Variants in TUBGCP6 observed in about 807,000 individuals in gnomAD.
TUBGCP6 encodes the protein gamma-tubulin complex component 6.
Under a neutral mutation model 175.8 loss-of-function variants are expected in TUBGCP6, and 161 were observed. The observed-to-expected ratio is 0.92, with a 90% CI of 0.81 to 1.04. The LOEUF (loss-of-function observed/expected upper bound fraction) is 1.04. Among genes scored for constraint, TUBGCP6 ranks in the 50% least tolerant of loss-of-function variants. The pLI, the probability that TUBGCP6 is intolerant of heterozygous loss-of-function variation, is 0.00. For missense variants in TUBGCP6, 2,572 were observed against 2,433.0 expected (o/e 1.06, Z -1.20); for synonymous variants, 1,173 against 1,030.5 (o/e 1.14, Z -2.65).
rs1446121685 is a variant in TUBGCP6 at position 50,233,427 on chromosome 22, A to G, written c.1005T>C (p.Ala335=). The change falls in exon 3 of 25, where the codon GCT becomes GCC. Residue 335 remains alanine (A), a synonymous_variant. Transcript: ENST00000248846. ...GCTGCGGGGCCTGTAGGACGCCCCCAGCAAGCAGCTGGAGCTCCCCTTGGT... is the reference window on the plus strand; with the variant it reads ...GCTGCGGGGCCTGTAGGACGCCCCCGGCAAGCAGCTGGAGCTCCCCTTGGT... ...RLHQGELQLL[A]GGVLQAPQPV... is the part of the protein sequence containing the mutation. 4.2e-5 allele frequency: 67 copies of G among 1,613,818 alleles called. No homozygotes were observed. Among genetic ancestry groups the G allele is most frequent in the Non-Finnish European group, 5.6e-5 (66 of 1,179,900 alleles).
At chr22:50,234,139 C>A (rs1236106023) in intron 2 of TUBGCP6, among the ~76,000 whole-genome samples, 2 of 150,020 alleles carry the variant, frequency 1.3e-5, no homozygotes, top group Non-Finnish European at 3.0e-5. Flanking sequence ...ATCATCCACA[C>A]CCCTATCCAC....
chr22:50,222,660 A>G, intron 13 of TUBGCP6, 68 bp from the exon 14 acceptor site: 1 of 1,582,872 alleles, frequency 6.3e-7, no homozygotes, highest in Non-Finnish European at 8.6e-7. Context: ...GGCACCCCTC[A>G]GGCCAGGATG....
Position 50,229,387 on chromosome 22 carries a change from T to C in TUBGCP6, c.1290+17A>G, listed in dbSNP as rs1467139972. ...TTCTCACAAAGGTGTGTGACAACCA[T>C]GAGGCAAAGGCCATACCTGGAACAC... is the stretch of plus-strand genomic sequence containing the variant. On this transcript the variant is annotated intron_variant, in intron 4 of 24. Transcript: ENST00000248846. 6.2e-7 allele frequency: 1 copy of C among 1,610,040 alleles called. No homozygotes were observed. The highest frequency in any genetic ancestry group is 8.5e-7 in the Non-Finnish European group (1 of 1,177,136).
rs2064572156 is a variant in TUBGCP6 at position 50,224,269 on chromosome 22, T to C, written c.2155-13A>G. 4 of 1,614,108 alleles carry C rather than the reference T, an allele frequency of 2.5e-6. No homozygotes were observed. Among genetic ancestry groups the C allele is most frequent in the Non-Finnish European group, 3.4e-6 (4 of 1,179,992 alleles). The stretch of plus-strand genomic sequence containing the variant: ...CCGCCTGGCGTCGCTATAAAACACA[T>C]AGAGCCTGGCCTGTGAAATCAGAAC... On this transcript the variant is annotated splice_polypyrimidine_tract_variant and intron_variant, in intron 12 of 24. Coordinates refer to ENST00000248846, the MANE Select transcript of TUBGCP6 (RefSeq NM_020461.4).
At chr22:50,235,958 A>G (rs912373566) in intron 2 of TUBGCP6, among the ~76,000 whole-genome samples, 1 of 151,244 alleles carries the variant, frequency 6.6e-6, no homozygotes, top group Admixed American at 6.6e-5. Context: ...AAAAAAAAAA[A>G]GTGGAGTGAA....
chr22:50,236,136 T>A (rs545230490), intron 2 of TUBGCP6, among the ~76,000 whole-genome samples: 139 of 151,344 alleles, frequency 9.2e-4, no homozygotes, highest in Middle Eastern at 3.4e-3. Flanking sequence ...GAAAAAAAAA[T>A]TCACAATTTT....
chr22:50,222,613 G>C (rs1349144684), intron 13 of TUBGCP6, 21 bp from the exon 14 acceptor site: 11 of 1,606,670 alleles, frequency 6.8e-6, no homozygotes, highest in Non-Finnish European at 9.3e-6. Context: ...ACACCAGAGA[G>C]GACACGGCCA....
intron 3 of TUBGCP6, among the ~76,000 whole-genome samples, chr22:50,230,113 A>C (rs2064669594): frequency 6.6e-6 from 1 of 151,448 alleles, no homozygotes; most frequent in South Asian, 2.1e-4. Context: ...AATATCCCGC[A>C]ATACAAAGGA....
intron 14 of TUBGCP6, 75 bp from the exon 15 acceptor site, chr22:50,222,177 C>T (rs2147181592): frequency 1.3e-6 from 2 of 1,488,102 alleles, no homozygotes; most frequent in East Asian, 2.3e-5. Context: ...AGCCACAGCC[C>T]CTACCGCCCA....
chr22:50,234,966 T>C, intron 2 of TUBGCP6, among the ~76,000 whole-genome samples: 1 of 135,588 alleles, frequency 7.4e-6, no homozygotes, highest in South Asian at 2.5e-4. Flanking sequence ...CATGGCAGCA[T>C]CCACACCCAG....
Position 50,224,313 on chromosome 22 carries a change from A to G in TUBGCP6, c.2154+19T>C. Reference sequence around the variant, plus strand: ...TCAGAACTGACAGGCGTGACCCCGCAGGGACAGGTCCTACCCACCTCCTGG... The same window carrying G: ...TCAGAACTGACAGGCGTGACCCCGCGGGGACAGGTCCTACCCACCTCCTGG... On this transcript the variant is annotated intron_variant, in intron 12 of 24. Transcript: ENST00000248846. 1.2e-6 allele frequency: 2 copies of G among 1,614,212 alleles called. No homozygotes were observed. Among genetic ancestry groups the G allele is most frequent in the Non-Finnish European group, 1.7e-6 (2 of 1,180,030 alleles).
chr22:50,230,786 AAAG>A (rs1213636854), intron 3 of TUBGCP6, among the ~76,000 whole-genome samples: 7 of 149,806 alleles, frequency 4.7e-5, no homozygotes, highest in Admixed American at 2.0e-4. Flanking sequence ...AAAAAAAAAG[AAAG>A]AAAAGAAAAA....
intron 2 of TUBGCP6, among the ~76,000 whole-genome samples, chr22:50,239,520 TACC>T (rs2064814913): frequency 1.3e-5 from 2 of 152,314 alleles, no homozygotes; most frequent in South Asian, 2.1e-4. Context: ...TATCAAAAGA[TACC>T]ACCACATTAA....
At chr22:50,231,789 G>A (rs2064696483) in intron 3 of TUBGCP6, among the ~76,000 whole-genome samples, 9 of 151,574 alleles carry the variant, frequency 5.9e-5, no homozygotes, top group Admixed American at 5.9e-4. Flanking sequence ...GAACCCGGGA[G>A]GCGGAGCTTG....
intron 13 of TUBGCP6, 94 bp downstream of exon 13, chr22:50,224,047 C>T: frequency 2.5e-6 from 3 of 1,191,986 alleles, no homozygotes; most frequent in South Asian, 1.3e-5. Flanking sequence ...TGAAGGTTTT[C>T]AAAACAAAAA....
rs375323923 is a variant in TUBGCP6 at position 50,226,366 on chromosome 22, G to T, written c.1614C>A (p.Asp538Glu). ...CTCTGAACACCCCGCTGTACACCCAGTCGTGGATGAACCTGCAGTGGGGGA... is the reference window on the plus strand; with the variant it reads ...CTCTGAACACCCCGCTGTACACCCATTCGTGGATGAACCTGCAGTGGGGGA... ...SCEPYTRFIH[D>E]WVYSGVFRDA... The change falls in exon 8 of 25, where the codon GAC (aspartate) becomes GAA (glutamate). Residue 538 changes from aspartate to glutamate, a missense_variant. Physicochemically the swap from Asp to Glu is conservative, Grantham distance 45. Transcript: ENST00000248846. The T allele has an allele frequency of 6.2e-7, 1 of 1,609,264 alleles. No individual in the cohort carries two copies. The highest frequency in any genetic ancestry group is 8.5e-7 in the Non-Finnish European group (1 of 1,177,820).
intron 3 of TUBGCP6, among the ~76,000 whole-genome samples, chr22:50,231,642 A>G (rs1028614920): frequency 6.6e-6 from 1 of 151,338 alleles, no homozygotes; most frequent in Non-Finnish European, 1.5e-5. Flanking sequence ...GGCGGATCAC[A>G]ATGTCAGGAG....
Position 50,244,556 on chromosome 22 carries a change from AG to A in TUBGCP6, c.-98del. On this transcript the variant is annotated 5_prime_UTR_variant, in exon 1 of 25. Transcript: ENST00000248846. Reference sequence around the variant, plus strand: ...ACAGGGAGTGAGAGAGGGTCCGAAGAGGCTGAATGACAGGCGGCCTCTCCAA... The same window carrying A: ...ACAGGGAGTGAGAGAGGGTCCGAAGAGCTGAATGACAGGCGGCCTCTCCAA... 1 of 1,452,468 alleles carries A rather than the reference AG, an allele frequency of 6.9e-7. No homozygotes were observed. Among genetic ancestry groups the A allele is most frequent in the South Asian group, 1.4e-5 (1 of 70,170 alleles). 90.0% of individuals were successfully genotyped at this position (1,452,468 alleles called of 1,614,324 possible).
chr22:50,240,129 C>G, intron 2 of TUBGCP6, 75 bp downstream of exon 2: 2 of 1,590,906 alleles, frequency 1.3e-6, no homozygotes, highest in South Asian at 1.1e-5. Context: ...CACAACGCCC[C>G]CCACACACCC....
Sources: gnomAD v4.1 joint callset for allele counts (sites outside exome capture counted in the v4.1 genomes callset) on GRCh38, gnomAD v4.1.1 for gene constraint, MANE v1.5 for transcripts, NCBI Gene and HGNC (gene_info 2026-07-23, HGNC 2026-07-21) for gene names.